Variants in UBA7 observed in about 807,000 individuals in gnomAD.
The protein encoded by UBA7 is ubiquitin-like modifier-activating enzyme 7.
UBA7 carries 88 observed loss-of-function variants against 113.0 expected under a neutral mutation model. That is an observed-to-expected ratio of 0.78 (90% confidence interval 0.66 to 0.93). UBA7 has a LOEUF of 0.93. Ranked by LOEUF, UBA7 falls within the 40% of genes least tolerant of loss-of-function variation. The pLI is 0.00. For synonymous variants in UBA7, 459 were observed against 513.0 expected (o/e 0.89, Z 1.42); for missense variants, 1,092 against 1,266.4 (o/e 0.86, Z 2.09).
chr3:49,812,343 A>G, intron 6 of UBA7, 65 bp downstream of exon 6: 2 of 1,611,830 alleles, frequency 1.2e-6, no homozygotes, highest in East Asian at 2.2e-5. Context: ...CCCAAGGGCC[A>G]GGCTGTGCTC....
intron 7 of UBA7, 35 bp downstream of exon 7, chr3:49,812,065 TCAAGGCGAC>T: frequency 1.2e-6 from 2 of 1,614,164 alleles, no homozygotes; most frequent in Non-Finnish European, 1.7e-6. Flanking sequence ...TATGGGCCCC[TCAAGGCGAC>T]CAAGCTCCCC....
rs2081513942 is a variant in UBA7, at chr3:49,809,807, G to A, written c.1904+8C>T. 6.2e-7 allele frequency: 1 copy of A among 1,614,164 alleles called. No individual in the cohort carries two copies. ...TGGACTCCCATCTGCCTCTGTTGGT[G>A]GCCTTACTGTTGGTGGTGGTTGATG... On this transcript the variant is annotated splice_region_variant and intron_variant, in intron 15 of 23. Transcript: ENST00000333486.
intron 23 of UBA7, 83 bp downstream of exon 23, chr3:49,805,814 C>T: frequency 7.5e-7 from 1 of 1,334,096 alleles, no homozygotes; most frequent in Non-Finnish European, 1.0e-6. Flanking sequence ...CAGAATGGGG[C>T]TGGGAAGACA....
chr3:49,809,718 T>A lies in UBA7; in HGVS notation c.1912A>T (p.Thr638Ser). 1 of 1,614,050 alleles carries A rather than the reference T, an allele frequency of 6.2e-7. No individual in the cohort carries two copies. Among genetic ancestry groups the A allele is most frequent in the Non-Finnish European group, 8.5e-7 (1 of 1,180,020 alleles). ...GGCTCATCCATGTCTGCCAGGGAAG[T>A]GTGTGCCCTGCAGAGAGAGGAGGAA... ...ETINHHQQAH[T>S]SLADMDEPQT... Residue 638 changes from threonine (T) to serine (S), a missense_variant, in exon 16 of 24, where the codon ACT becomes TCT. Transcript: ENST00000333486.
rs1435953944 is a variant in UBA7, at chr3:49,807,131, A to G, written c.2715+605T>C. On this transcript the variant is annotated intron_variant, in intron 21 of 23. Transcript: ENST00000333486. This position sits in a 1 kb window ranked among gnomAD's most constrained non-coding sequence, Gnocchi z 4.0. ...CAGGAACACACACATGTGTGCCCACATGCATCTCCATGCATGCCCACATTG... is the reference window on the plus strand; with the variant it reads ...CAGGAACACACACATGTGTGCCCACGTGCATCTCCATGCATGCCCACATTG... Among the ~76,000 whole-genome samples the G allele has an allele frequency of 2.6e-5, 4 of 152,188 alleles. No individual in the cohort carries two copies. The highest frequency in any genetic ancestry group is 9.7e-5 in the African/African-American group (4 of 41,442).
chr3:49,813,502 A>C lies in UBA7; in HGVS notation c.202T>G (p.Cys68Gly). Reference protein sequence around the residue: ...SLTLHDPHPTCWSDLAAQFLL... With the variant: ...SLTLHDPHPTGWSDLAAQFLL... ...ACCTGGGCAGCCAGGTCGGACCAGCAGGTGGGGTGGGGATCATGCAGAGTG... is the reference window on the plus strand; with the variant it reads ...ACCTGGGCAGCCAGGTCGGACCAGCCGGTGGGGTGGGGATCATGCAGAGTG... Residue 68 changes from cysteine to glycine, a missense_variant, in exon 2 of 24, where the codon TGC becomes GGC. Transcript: ENST00000333486. 6.2e-7 allele frequency: 1 copy of C among 1,613,934 alleles called. No individual in the cohort carries two copies. Among genetic ancestry groups the C allele is most frequent in the Non-Finnish European group, 8.5e-7 (1 of 1,179,994 alleles).
In UBA7 at chr3:49,811,287, G is replaced by A; in HGVS notation, c.1108C>T (p.Gln370Ter). ...MVAMLGAVAA[Q>*]EVLKAISRKF... The stretch of plus-strand genomic sequence containing the variant: ...CCTCTGCCCACCTTCAGCACTTCCT[G>A]GGCAGCTACTGCACCCAGCATGGCC... Residue 370 changes from glutamine (Q) to a stop codon, truncating the protein, a stop_gained, in exon 9 of 24, where the codon CAG (glutamine) becomes TAG (stop). Coordinates refer to ENST00000333486, the MANE Select transcript of UBA7 (RefSeq NM_003335.3). LOFTEE classifies it high-confidence loss of function. The A allele has an allele frequency of 6.2e-7, 1 of 1,614,064 alleles. No homozygotes were observed. Among genetic ancestry groups the A allele is most frequent in the Non-Finnish European group, 8.5e-7 (1 of 1,180,008 alleles).
rs746023688 is a variant in UBA7 at position 49,813,243 on chromosome 3, G to C, written c.360+6C>G. On this transcript the variant is annotated splice_donor_region_variant and intron_variant, in intron 3 of 23. Transcript: ENST00000333486. ...CTGCTCTTGAGGGCTGCAGGCCTGA[G>C]CTGACCTGGAAGTCCAACAGCAGGT... 1 of 1,613,910 alleles carries C rather than the reference G, an allele frequency of 6.2e-7. No homozygotes were observed.
rs768566805 is a variant in UBA7 at position 49,810,613 on chromosome 3, C to T, written c.1371G>A (p.Gly457=). ...LLKVFALVGL[G]AGNSGGLTVV... Reference sequence around the variant, plus strand: ...CAGTCAAGCCCCCGCTGTTCCCGGCCCCCAGTCCCACTAGGGCAAAGACTT... The same window carrying T: ...CAGTCAAGCCCCCGCTGTTCCCGGCTCCCAGTCCCACTAGGGCAAAGACTT... The change falls in exon 12 of 24, where the codon GGG becomes GGA. Residue 457 remains glycine, a synonymous_variant. Coordinates refer to ENST00000333486, the MANE Select transcript of UBA7 (RefSeq NM_003335.3). The surrounding 1 kb of genome is among the most constrained non-coding windows in gnomAD (Gnocchi z 5.6). 3.1e-6 allele frequency: 5 copies of T among 1,614,108 alleles called. No individual in the cohort carries two copies. The highest frequency in any genetic ancestry group is 3.3e-5 in the Admixed American group (2 of 60,016).
chr3:49,812,340 G>T (rs141910877), intron 6 of UBA7, 68 bp downstream of exon 6: 40 of 1,611,376 alleles, frequency 2.5e-5, no homozygotes, highest in Middle Eastern at 3.3e-4. Context: ...CATCCCAAGG[G>T]CCAGGCTGTG....
chr3:49,813,833 G>A lies in UBA7; in HGVS notation c.-46C>T, dbSNP rs746317176. On this transcript the variant is annotated 5_prime_UTR_variant, in exon 1 of 24. Coordinates refer to ENST00000333486, the MANE Select transcript of UBA7 (RefSeq NM_003335.3). ...AGTAGGCTGCAGCGCTCAGAGATAG[G>A]GTCTTTGTGTAGGTGGCGGTGACAG... 3.7e-5 allele frequency: 59 copies of A among 1,610,490 alleles called. No individual in the cohort carries two copies. The highest frequency in any genetic ancestry group is 1.7e-4 in the Admixed American group (10 of 59,638).
chr3:49,812,477 C>T lies in UBA7; in HGVS notation c.625G>A (p.Val209Met). ...ATTCCCTCAATTCCCGAGAAAGTCACCAAGTCTCCATCACGGAAGTAGTGG... is the reference window on the plus strand; with the variant it reads ...ATTCCCTCAATTCCCGAGAAAGTCATCAAGTCTCCATCACGGAAGTAGTGG... ...NTHYFRDGDL[V>M]TFSGIEGMVE... The change falls in exon 6 of 24, where the codon GTG becomes ATG. Residue 209 changes from valine (V) to methionine (M), a missense_variant. By Grantham distance (21) the Val-to-Met change is conservative. Transcript: ENST00000333486. The T allele has an allele frequency of 1.2e-6, 2 of 1,614,204 alleles. No individual in the cohort carries two copies. The highest frequency in any genetic ancestry group is 2.2e-5 in the South Asian group (2 of 91,086).
rs1559434286 is a variant in UBA7, at chr3:49,809,717, G to A, written c.1913C>T (p.Thr638Ile). The part of the protein sequence containing the change: ...ETINHHQQAH[T>I]SLADMDEPQT... ...TGGCTCATCCATGTCTGCCAGGGAAGTGTGTGCCCTGCAGAGAGAGGAGGA... is the reference window on the plus strand; with the variant it reads ...TGGCTCATCCATGTCTGCCAGGGAAATGTGTGCCCTGCAGAGAGAGGAGGA... Residue 638 changes from threonine (T) to isoleucine (I), a missense_variant, in exon 16 of 24, where the codon ACT becomes ATT. By Grantham distance (89) the Thr-to-Ile change is moderately conservative. This residue lies in a region of UBA7 where 500 missense variants were observed against 529.3 expected (regional missense o/e 0.94). Transcript: ENST00000333486. 4 of 1,614,162 alleles carry A rather than the reference G, an allele frequency of 2.5e-6. No individual in the cohort carries two copies. Among genetic ancestry groups the A allele is most frequent in the Admixed American group, 1.7e-5 (1 of 60,034 alleles).
chr3:49,813,343 TCG>T lies in UBA7; in HGVS notation c.264_265del (p.Glu89GlyfsTer21). On this transcript the variant is annotated frameshift_variant, in exon 3 of 24. Transcript: ENST00000333486. LOFTEE classifies it high-confidence loss of function. ...CTGAGCCAAGAGCTCTTGAGAGGCC[TCG>T]GCTCTGCTCCTTTCCAAGTCCTGCT... 1 of 1,614,154 alleles carries T rather than the reference TCG, an allele frequency of 6.2e-7. No individual in the cohort carries two copies. Among genetic ancestry groups the T allele is most frequent in the South Asian group, 1.1e-5 (1 of 91,078 alleles).
Position 49,807,149 on chromosome 3 carries a change from C to G in UBA7, c.2715+587G>C, listed in dbSNP as rs114700243. The stretch of plus-strand genomic sequence containing the variant: ...TGCCCACATGCATCTCCATGCATGC[C>G]CACATTGAGGACACAGGAAGATGGG... On this transcript the variant is annotated intron_variant, in intron 21 of 23. Coordinates refer to ENST00000333486, the MANE Select transcript of UBA7 (RefSeq NM_003335.3). This position sits in a 1 kb window ranked among gnomAD's most constrained non-coding sequence, Gnocchi z 4.0. Among the ~76,000 whole-genome samples, 5 of 152,320 alleles carry G rather than the reference C, an allele frequency of 3.3e-5. No individual in the cohort carries two copies. The highest frequency in any genetic ancestry group is 7.4e-5 in the Non-Finnish European group (5 of 68,016).
chr3:49,807,630 C>T lies in UBA7; in HGVS notation c.2715+106G>A. ...GGAGGGAGTCTTCAGGACTTCTGCA[C>T]AGTCTGAGTTTCAGTGAGAGCCGGC... On this transcript the variant is annotated intron_variant, in intron 21 of 23. Coordinates refer to ENST00000333486, the MANE Select transcript of UBA7 (RefSeq NM_003335.3). This position sits in a 1 kb window ranked among gnomAD's most constrained non-coding sequence, Gnocchi z 4.0. 1.4e-6 allele frequency: 2 copies of T among 1,389,476 alleles called. No homozygotes were observed. Among genetic ancestry groups the T allele is most frequent in the Non-Finnish European group, 1.9e-6 (2 of 1,031,310 alleles). 86.1% of individuals were successfully genotyped at this position (1,389,476 alleles called of 1,614,324 possible).
At chr3:49,811,782 T>G in intron 8 of UBA7, 88 bp downstream of exon 8, 1 of 1,576,294 alleles carries the variant, frequency 6.3e-7, no homozygotes, top group East Asian at 2.2e-5. Context: ...AGATCAGACT[T>G]GGATTTGTGA....
chr3:49,810,270 G>C lies in UBA7; in HGVS notation c.1626C>G (p.Phe542Leu), dbSNP rs1463692067. 1.2e-6 allele frequency: 2 copies of C among 1,613,794 alleles called. No individual in the cohort carries two copies. The highest frequency in any genetic ancestry group is 2.7e-5 in the African/African-American group (2 of 74,918). Residue 542 changes from phenylalanine to leucine, a missense_variant, in exon 13 of 24, where the codon TTC (phenylalanine) becomes TTG (leucine). Coordinates refer to ENST00000333486, the MANE Select transcript of UBA7 (RefSeq NM_003335.3). The surrounding 1 kb of genome is among the most constrained non-coding windows in gnomAD (Gnocchi z 5.6). ...VDGVAAALDS[F>L]QARRYVAARC... ...CCGAAGTCAAGCACTCACGGGCCTG[G>C]AAACTGTCCAGGGCAGCAGCCACAC...
At position 49,805,235 on chromosome 3, in the gene UBA7, C is replaced by T; in HGVS notation, c.*73G>A. The T allele has an allele frequency of 6.9e-7, 1 of 1,448,992 alleles. No individual in the cohort carries two copies. Among genetic ancestry groups the T allele is most frequent in the South Asian group, 1.2e-5 (1 of 85,674 alleles). The allele number at this position is 1,448,992 out of a possible 1,614,324, so 89.8% of individuals were successfully genotyped here. On this transcript the variant is annotated 3_prime_UTR_variant, in exon 24 of 24. Transcript: ENST00000333486. ...TCCTTTAACAAGCATTTATTGAGTG[C>T]CTACTGTGGGCTTACAATGCAGGGC...
Sources: gnomAD v4.1 joint callset for allele counts (sites outside exome capture counted in the v4.1 genomes callset) on GRCh38, gnomAD v4.1.1 for gene constraint, gnomAD v4.1.1 regional missense constraint, Gnocchi (gnomAD v3.1) non-coding constraint, MANE v1.5 for transcripts, NCBI Gene and HGNC (gene_info 2026-07-23, HGNC 2026-07-21) for gene names.